The following PIGG variants were observed in gnomAD, a reference collection of about 807,000 sequenced individuals.
The protein encoded by PIGG is phosphatidylinositol glycan anchor biosynthesis class G (EMM blood group).
PIGG carries 70 observed loss-of-function variants against 83.2 expected under a neutral mutation model. The ratio of observed to expected loss-of-function variants is 0.84; its 90% confidence interval spans 0.69 to 1.03. The LOEUF (loss-of-function observed/expected upper bound fraction) is 1.03, where lower values mean the gene tolerates loss of function less well. Among genes scored for constraint, PIGG ranks in the 50% least tolerant of loss-of-function variants. The pLI, the probability that PIGG is intolerant of heterozygous loss-of-function variation, is 0.00. For synonymous variants in PIGG, 532 were observed against 519.5 expected (o/e 1.02, Z -0.33); for missense variants, 1,257 against 1,233.6 (o/e 1.02, Z -0.28).
intron 1 of PIGG, 57 bp from the exon 2 acceptor site, chr4:500,339 C>A: frequency 8.0e-7 from 1 of 1,255,778 alleles, no homozygotes; most frequent in Non-Finnish European, 1.2e-6. Context: ...TGTGAAGGTG[C>A]TTGATGCTAA....
At chr4:503,845 T>TACAC (rs56841358) in intron 2 of PIGG, among the ~76,000 whole-genome samples, 8,297 of 145,582 alleles carry the variant, frequency 0.057, 379 homozygotes, top group African/African-American at 0.13. Context: ...TGTGATTTTA[T>TACAC]ACACACACAC....
intron 4 of PIGG, among the ~76,000 whole-genome samples, chr4:508,345 TGCCTGGCTTGTCCCG>T (rs1720583449): frequency 6.6e-6 from 1 of 152,262 alleles, no homozygotes; most frequent in African/African-American, 2.4e-5. Context: ...AGGCACAGCC[TGCCTGGCTTGTCCCG>T]GAGCAGCAAA....
chr4:514,025 TACA>T (rs1041055408), intron 5 of PIGG, among the ~76,000 whole-genome samples: 1 of 152,170 alleles, frequency 6.6e-6, no homozygotes, highest in African/African-American at 2.4e-5. Flanking sequence ...CCTTATTCTT[TACA>T]ACAATATCAA....
At chr4:529,533 TACG>T (rs144328854) in intron 10 of PIGG, among the ~76,000 whole-genome samples, 3,800 of 152,316 alleles carry the variant, frequency 0.025, 144 homozygotes, top group African/African-American at 0.086. Context: ...TATTAAAAAT[TACG>T]ATTATTTTAA....
chr4:509,908 G>C (rs782771966), intron 5 of PIGG, among the ~76,000 whole-genome samples: 2 of 152,146 alleles, frequency 1.3e-5, no homozygotes, highest in Non-Finnish European at 2.9e-5. Flanking sequence ...CTTATTGATG[G>C]ATTTTGTTTA....
chr4:513,047 G>T (rs918786713), intron 5 of PIGG, among the ~76,000 whole-genome samples: 1 of 152,158 alleles, frequency 6.6e-6, no homozygotes, highest in Non-Finnish European at 1.5e-5. Context: ...GGGCTAGGAG[G>T]GGGAGGGAGG....
intron 5 of PIGG, among the ~76,000 whole-genome samples, chr4:509,842 A>G (rs1021105855): frequency 6.6e-6 from 1 of 152,162 alleles, no homozygotes; most frequent in Non-Finnish European, 1.5e-5. Context: ...CACCGGTCAG[A>G]TTGATCTCTC....
rs771358035 is a variant in PIGG at position 523,651 on chromosome 4, G to A, written c.1807G>A (p.Gly603Ser). Reference sequence around the variant, plus strand: ...CAGAAACTACTTTCTGGGAGATGACGGTGAGCCTCCGTGTGGCCTCTGTGT... The same window carrying A: ...CAGAAACTACTTTCTGGGAGATGACAGTGAGCCTCCGTGTGGCCTCTGTGT... ...TYRNYFLGDDGEPPCGLCVEQ... is the reference protein window; with the variant it reads ...TYRNYFLGDDSEPPCGLCVEQ... Residue 603 changes from glycine to serine, a missense_variant, in exon 9 of 13, where the codon GGT (glycine) becomes AGT (serine). Gly to Ser is a moderately conservative substitution (Grantham distance 56, BLOSUM62 0). Transcript: ENST00000453061. 1.8e-5 allele frequency: 29 copies of A among 1,614,076 alleles called. No individual in the cohort carries two copies. The highest frequency in any genetic ancestry group is 2.2e-5 in the Non-Finnish European group (26 of 1,180,044).
At chr4:529,206 G>A (rs1020820395) in intron 10 of PIGG, among the ~76,000 whole-genome samples, 2 of 152,124 alleles carry the variant, frequency 1.3e-5, no homozygotes, top group Admixed American at 6.5e-5. Context: ...GCATCCTCTC[G>A]ACACAGAAAC....
At position 539,278 on chromosome 4, in the gene PIGG, A is replaced by C. The variant is rs1731507075; in HGVS notation, c.2861A>C (p.Lys954Thr). 6.2e-7 allele frequency: 1 copy of C among 1,613,690 alleles called. No individual in the cohort carries two copies. Among genetic ancestry groups the C allele is most frequent in the African/African-American group, 1.3e-5 (1 of 74,916 alleles). The change falls in exon 13 of 13, where the codon AAA becomes ACA. Residue 954 changes from lysine to threonine, a missense_variant. Lys to Thr is a moderately conservative substitution (Grantham distance 78). Transcript: ENST00000453061. ...TTTATATGGAGTGTATTTTCTCCAA[A>C]ACTTCTCTACGAGGGAATGCACCTG... ...HLFIWSVFSP[K>T]LLYEGMHLLI...
Position 500,444 on chromosome 4 carries a change from T to A in PIGG, c.203T>A (p.Val68Asp). ...TTLPPPLFSK[V>D]VIVLIDALRD... is the part of the protein sequence containing the mutation. ...CTGCCACCACCTCTCTTCAGTAAAG[T>A]TGTTATTGTTCTGATAGATGCCTTG... The change falls in exon 2 of 13, where the codon GTT becomes GAT. Residue 68 changes from valine to aspartate, a missense_variant. Transcript: ENST00000453061. The A allele has an allele frequency of 6.2e-7, 1 of 1,614,018 alleles. No individual in the cohort carries two copies. Among genetic ancestry groups the A allele is most frequent in the Non-Finnish European group, 8.5e-7 (1 of 1,179,898 alleles).
chr4:531,755 A>ACCCTTCTGATCCGCTCAGG (rs1417860933), intron 11 of PIGG: 1 of 152,018 alleles, frequency 6.6e-6, no homozygotes, highest in Admixed American at 6.6e-5. Flanking sequence ...TGCTTCCCCG[A>ACCCTTCTGATCCGCTCAGG]CCCTTCTGAT....
rs781839507 is a variant in PIGG at position 500,516 on chromosome 4, A to G, written c.275A>G (p.Tyr92Cys). The G allele has an allele frequency of 3.7e-6, 6 of 1,613,228 alleles. No individual in the cohort carries two copies. The South Asian group carries it at 5.5e-5, about 15-fold the overall frequency. Reference protein sequence around the residue: ...FGSKGVKFMPYTTYLVEKGAS... With the variant: ...FGSKGVKFMPCTTYLVEKGAS... The stretch of plus-strand genomic sequence containing the variant: ...TCAAAGGGTGTGAAATTTATGCCCT[A>G]CACAACTTACCTTGTGGAAAAAGGA... Residue 92 changes from tyrosine (Y) to cysteine (C), a missense_variant, in exon 2 of 13, where the codon TAC (tyrosine) becomes TGC (cysteine). Tyr to Cys is a radical substitution (Grantham distance 194). Coordinates refer to ENST00000453061, the MANE Select transcript of PIGG (RefSeq NM_001127178.3).
chr4:519,394 ACT>A (rs942791007), intron 6 of PIGG, among the ~76,000 whole-genome samples: 2 of 151,950 alleles, frequency 1.3e-5, no homozygotes, highest in African/African-American at 4.8e-5. Flanking sequence ...TAGCTTTGTG[ACT>A]CTCTGATAGG....
chr4:528,328 T>C lies in PIGG; in HGVS notation c.2261+1098T>C. 2 of 985,066 alleles carry C rather than the reference T, an allele frequency of 2.0e-6. No individual in the cohort carries two copies. Among genetic ancestry groups the C allele is most frequent in the South Asian group, 4.7e-5 (1 of 21,280 alleles). 61.0% of individuals were successfully genotyped at this position (985,066 alleles called of 1,614,324 possible). The stretch of plus-strand genomic sequence containing the variant: ...AGATTGTGGTCTTGCTTTTTACTTA[T>C]TTTTGTATCTTAGCGATGTCTAGAG... On this transcript the variant is annotated intron_variant, in intron 10 of 12. Transcript: ENST00000453061. This position sits in a 1 kb window ranked among gnomAD's most constrained non-coding sequence, Gnocchi z 4.8.
At chr4:518,234 G>C (rs1318351550) in intron 6 of PIGG, among the ~76,000 whole-genome samples, 4 of 152,188 alleles carry the variant, frequency 2.6e-5, no homozygotes, top group Non-Finnish European at 1.5e-5. Context: ...GTATGAGTTT[G>C]GTAGCTTTTG....
In PIGG at chr4:500,557, G is replaced by T. The variant is rs763051933; in HGVS notation, c.316G>T (p.Val106Leu). ...LVEKGASHSF[V>L]AEAKPPTVTM... The stretch of plus-strand genomic sequence containing the variant: ...GGAAAAAGGAGCATCTCACAGTTTT[G>T]TGGCTGAAGCAAAGCCACCTACAGT... Residue 106 changes from valine to leucine, a missense_variant, in exon 2 of 13, where the codon GTG (valine) becomes TTG (leucine). Coordinates refer to ENST00000453061, the MANE Select transcript of PIGG (RefSeq NM_001127178.3). 6 of 1,613,762 alleles carry T rather than the reference G, an allele frequency of 3.7e-6. No homozygotes were observed. The highest frequency in any genetic ancestry group is 5.1e-6 in the Non-Finnish European group (6 of 1,179,642).
Position 528,546 on chromosome 4 carries a change from G to T in PIGG, c.2261+1316G>T, listed in dbSNP as rs1202060567. 1.0e-6 allele frequency: 1 copy of T among 985,242 alleles called. No homozygotes were observed. The highest frequency in any genetic ancestry group is 1.7e-5 in the African/African-American group (1 of 57,214). 61.0% of individuals were successfully genotyped at this position (985,242 alleles called of 1,614,324 possible). ...TGAGAGTGTAGCAGGCCGTCATACG[G>T]GGCCGGGGCCTGGGGCAGAGAGGAT... On this transcript the variant is annotated intron_variant, in intron 10 of 12. Transcript: ENST00000453061. This position sits in a 1 kb window ranked among gnomAD's most constrained non-coding sequence, Gnocchi z 4.8.
At chr4:524,079 A>G (rs1726878491) in intron 9 of PIGG, among the ~76,000 whole-genome samples, 166 bp downstream of exon 9, 1 of 152,260 alleles carries the variant, frequency 6.6e-6, no homozygotes, top group Non-Finnish European at 1.5e-5. Context: ...TTTACTGGAT[A>G]CTAGAATCAA....
Sources: gnomAD v4.1 joint callset for allele counts (sites outside exome capture counted in the v4.1 genomes callset) on GRCh38, gnomAD v4.1.1 for gene constraint, Gnocchi (gnomAD v3.1) non-coding constraint, MANE v1.5 for transcripts, NCBI Gene and HGNC (gene_info 2026-07-23, HGNC 2026-07-21) for gene names.